MCTP1: variants seen among roughly 807,000 people sequenced by gnomAD.
The protein encoded by MCTP1 is multiple C2 and transmembrane domain containing 1, also known as multiple C2 and transmembrane domain-containing protein 1.
MCTP1 carries 69 observed loss-of-function variants against 120.6 expected under a neutral mutation model. The ratio of observed to expected loss-of-function variants is 0.57; its 90% CI spans 0.47 to 0.70. The LOEUF is 0.70. Among genes scored for constraint, MCTP1 ranks in the 30% least tolerant of loss-of-function variants. The pLI is 0.00. For missense variants in MCTP1, 1,203 were observed against 1,248.8 expected (o/e 0.96, Z 0.55); for synonymous variants, 529 against 493.1 (o/e 1.07, Z -0.96).
intron 1 of MCTP1, among the ~76,000 whole-genome samples, chr5:95,067,778 C>G (rs1465334854): frequency 1.3e-5 from 2 of 152,260 alleles, no homozygotes; most frequent in Admixed American, 1.3e-4. Flanking sequence ...CATCACCTCA[C>G]TAACCTATCT....
chr5:94,957,069 CTG>C (rs925989140), intron 2 of MCTP1, among the ~76,000 whole-genome samples: 1 of 152,192 alleles, frequency 6.6e-6, no homozygotes, highest in African/African-American at 2.4e-5. Context: ...GCAGATCTCT[CTG>C]CAGAAATTCT....
intron 10 of MCTP1, among the ~76,000 whole-genome samples, chr5:94,906,097 G>T (rs923446930): frequency 1.3e-5 from 2 of 152,176 alleles, no homozygotes; most frequent in Non-Finnish European, 2.9e-5. Context: ...ACTGGTCATT[G>T]AATTGAACAA....
chr5:95,069,002 A>T (rs1411012928), intron 1 of MCTP1, among the ~76,000 whole-genome samples: 1 of 150,790 alleles, frequency 6.6e-6, no homozygotes, highest in Non-Finnish European at 1.5e-5. Context: ...GTGAAACAAC[A>T]GAACAGCCTG....
At chr5:95,156,729 G>GT (rs1221899144) in intron 1 of MCTP1, among the ~76,000 whole-genome samples, 1 of 152,168 alleles carries the variant, frequency 6.6e-6, no homozygotes, top group Non-Finnish European at 1.5e-5. Flanking sequence ...AACATTTATT[G>GT]TAAGTGTTTT....
At chr5:94,775,685 T>A (rs1775139280) in intron 19 of MCTP1, among the ~76,000 whole-genome samples, 1 of 152,012 alleles carries the variant, frequency 6.6e-6, no homozygotes, top group African/African-American at 2.4e-5. Flanking sequence ...TGCTACTACA[T>A]AATGCAGATA....
chr5:94,942,611 C>T (rs1817999811), intron 3 of MCTP1, among the ~76,000 whole-genome samples, 184 bp from the exon 4 acceptor site: 1 of 152,032 alleles, frequency 6.6e-6, no homozygotes. Context: ...AAGAAAACTA[C>T]ATTTTATTTT....
intron 19 of MCTP1, among the ~76,000 whole-genome samples, chr5:94,733,557 T>A (rs1010213493): frequency 2.6e-5 from 4 of 152,168 alleles, no homozygotes; most frequent in African/African-American, 9.7e-5. Flanking sequence ...AAAGGAACAT[T>A]AGTAGGATTA....
chr5:94,953,398 C>G, intron 2 of MCTP1, 37 bp from the exon 3 acceptor site: 1 of 1,498,462 alleles, frequency 6.7e-7, no homozygotes, highest in Non-Finnish European at 8.9e-7. Context: ...TTAATCATGA[C>G]TTGGTTTGGA....
chr5:94,892,211 A>G (rs1802834934), intron 11 of MCTP1, among the ~76,000 whole-genome samples: 1 of 152,200 alleles, frequency 6.6e-6, no homozygotes, highest in Non-Finnish European at 1.5e-5. Context: ...CACCAGCCTT[A>G]TGACTCGCTG....
At chr5:94,885,314 A>C (rs1233994154) in intron 12 of MCTP1, among the ~76,000 whole-genome samples, 2 of 151,792 alleles carry the variant, frequency 1.3e-5, no homozygotes, top group African/African-American at 4.8e-5. Context: ...AAAAAAAAAA[A>C]ACAGAGAGAA....
At chr5:94,902,105 A>G (rs1388491321) in intron 10 of MCTP1, among the ~76,000 whole-genome samples, 1 of 152,162 alleles carries the variant, frequency 6.6e-6, no homozygotes, top group Non-Finnish European at 1.5e-5. Context: ...TAGAGATTAT[A>G]TAATCTAATT....
chr5:95,074,624 C>T (rs1753094652), intron 1 of MCTP1, among the ~76,000 whole-genome samples: 1 of 152,054 alleles, frequency 6.6e-6, no homozygotes, highest in Admixed American at 6.6e-5. Context: ...TAAATGTGGA[C>T]CTATCTGTGT....
At chr5:94,963,487 T>A (rs1483551624) in intron 2 of MCTP1, among the ~76,000 whole-genome samples, 4 of 149,486 alleles carry the variant, frequency 2.7e-5, no homozygotes, top group African/African-American at 1.0e-4. Context: ...TTTTTTTTTT[T>A]AATAATAGCC....
intron 17 of MCTP1, among the ~76,000 whole-genome samples, chr5:94,806,324 AC>A (rs1210680648): frequency 7.2e-5 from 11 of 152,166 alleles, no homozygotes; most frequent in Middle Eastern, 3.4e-3. Flanking sequence ...AAACAAACAA[AC>A]AAAAATCTGT....
At chr5:94,950,618 T>C (rs1820257717) in intron 3 of MCTP1, among the ~76,000 whole-genome samples, 1 of 152,102 alleles carries the variant, frequency 6.6e-6, no homozygotes, top group Non-Finnish European at 1.5e-5. Context: ...CATACATACA[T>C]GTATATTCTT....
At chr5:95,127,362 C>A (rs186420004) in intron 1 of MCTP1, among the ~76,000 whole-genome samples, 3 of 152,078 alleles carry the variant, frequency 2.0e-5, no homozygotes, top group Non-Finnish European at 4.4e-5. Context: ...CCTTCTACAA[C>A]TAAGGCACAG....
In MCTP1 at chr5:94,888,633, G is replaced by A. The variant is rs143048210; in HGVS notation, c.1933+246C>T. Reference sequence around the variant, plus strand: ...ATTCCTACTACATTGATTAAACTTCGAAGAAGGCAACAATTCAAAAGTCAT... The same window carrying A: ...ATTCCTACTACATTGATTAAACTTCAAAGAAGGCAACAATTCAAAAGTCAT... On this transcript the variant is annotated intron_variant, in intron 12 of 22. Coordinates refer to ENST00000515393, the MANE Select transcript of MCTP1 (RefSeq NM_024717.7). Among the ~76,000 whole-genome samples the A allele has an allele frequency of 1.4e-4, 22 of 152,250 alleles. No homozygotes were observed. The East Asian group carries it at 3.3e-3, about 23-fold the overall frequency.
intron 1 of MCTP1, among the ~76,000 whole-genome samples, chr5:95,079,204 A>C (rs1470171224): frequency 1.3e-5 from 2 of 152,162 alleles, no homozygotes; most frequent in Non-Finnish European, 2.9e-5. Flanking sequence ...TTATAACAAC[A>C]GACTCTCCTG....
chr5:94,980,498 T>C (rs2153595018), intron 2 of MCTP1, among the ~76,000 whole-genome samples: 1 of 152,254 alleles, frequency 6.6e-6, no homozygotes, highest in East Asian at 1.9e-4. Context: ...CTTTTGAAAT[T>C]CAATATTTGT....
Sources: allele counts gnomAD v4.1 joint callset (sites outside exome capture counted in the v4.1 genomes callset), GRCh38; gene constraint gnomAD v4.1.1; transcripts MANE v1.5; gene names NCBI Gene and HGNC (gene_info 2026-07-23, HGNC 2026-07-21).